The following GALNT13 variants were observed in gnomAD, a reference collection of about 807,000 sequenced individuals.
GALNT13 encodes the protein UDP-GalNAc:polypeptide N-acetylgalactosaminyltransferase 13.
In GALNT13, 28 loss-of-function variants were observed where a neutral mutation model predicts 64.2. The observed-to-expected ratio is 0.44, with a 90% confidence interval of 0.32 to 0.60. The LOEUF (loss-of-function observed/expected upper bound fraction) is 0.60, where lower values mean the gene tolerates loss of function less well. GALNT13 is among the 20% of genes least tolerant of loss of function. The pLI is 0.05. For missense variants in GALNT13, 577 were observed against 669.8 expected (o/e 0.86, Z 1.53); for synonymous variants, 214 against 224.6 (o/e 0.95, Z 0.42).
chr2:153,712,616 C>G, the GALNT13 span, among the ~76,000 whole-genome samples: 2 of 152,230 alleles, frequency 1.3e-5, no homozygotes, highest in Admixed American at 6.5e-5. Context: ...ACCTGTTTCT[C>G]TTGTACTTGC....
the GALNT13 span, among the ~76,000 whole-genome samples, chr2:153,830,147 T>C: frequency 6.6e-6 from 1 of 151,938 alleles, no homozygotes; most frequent in East Asian, 1.9e-4. Context: ...ATTTTGCTTT[T>C]TTAAATTTGC....
the GALNT13 span, among the ~76,000 whole-genome samples, chr2:153,091,637 G>C: frequency 6.6e-6 from 1 of 152,142 alleles, no homozygotes; most frequent in African/African-American, 2.4e-5. Flanking sequence ...TGTTAGCCTT[G>C]TCTCCCATCT....
rs185817147 is a variant in GALNT13 at position 154,146,896 on chromosome 2, G to A, written c.311+6391G>A. On this transcript the variant is annotated intron_variant, in intron 4 of 12. Coordinates refer to ENST00000392825, the MANE Select transcript of GALNT13 (RefSeq NM_052917.4). Reference sequence around the variant, plus strand: ...TTTTAAAACGTCATATAAACCCACTGAGTGTCACTACTTGTTTGGGTCTTC... The same window carrying A: ...TTTTAAAACGTCATATAAACCCACTAAGTGTCACTACTTGTTTGGGTCTTC... Among the ~76,000 whole-genome samples, 109 of 152,118 alleles carry A rather than the reference G, an allele frequency of 7.2e-4. 1 individual carries two copies. The East Asian group carries it at 0.021, about 29-fold the overall frequency.
At chr2:153,821,019 A>T in the GALNT13 span, among the ~76,000 whole-genome samples, 1 of 151,998 alleles carries the variant, frequency 6.6e-6, no homozygotes, top group Non-Finnish European at 1.5e-5. Flanking sequence ...TTGGAGAAAG[A>T]TATATCATGC....
chr2:153,198,193 G>T, the GALNT13 span, among the ~76,000 whole-genome samples: 5 of 152,256 alleles, frequency 3.3e-5, no homozygotes, highest in African/African-American at 9.6e-5. Context: ...AATTGGTGCC[G>T]TGCTGCAGTT....
At chr2:153,754,167 C>A in the GALNT13 span, among the ~76,000 whole-genome samples, 1 of 152,134 alleles carries the variant, frequency 6.6e-6, no homozygotes, top group Non-Finnish European at 1.5e-5. Flanking sequence ...GAATCAGAGA[C>A]CCCAAGAGCC....
chr2:154,406,382 T>C (rs2105385484), intron 10 of GALNT13, among the ~76,000 whole-genome samples: 1 of 152,256 alleles, frequency 6.6e-6, no homozygotes, highest in Middle Eastern at 3.4e-3. Context: ...TAAGCTACTA[T>C]TATACCATGC....
At chr2:153,195,709 C>T in the GALNT13 span, among the ~76,000 whole-genome samples, 22 of 152,214 alleles carry the variant, frequency 1.4e-4, no homozygotes, top group African/African-American at 5.3e-4. Flanking sequence ...CATGTCTCAG[C>T]CCTGTGTGTG....
In GALNT13 at chr2:154,231,651, A is replaced by C. The variant is rs1012404855; in HGVS notation, c.312-10379A>C. On this transcript the variant is annotated intron_variant, in intron 4 of 12. Transcript: ENST00000392825. ...TTTGAAGTTCTATTTCTACAGTTTTAGTAAAAACCACAAGGTGCAGTGGAA... is the reference window on the plus strand; with the variant it reads ...TTTGAAGTTCTATTTCTACAGTTTTCGTAAAAACCACAAGGTGCAGTGGAA... Among the ~76,000 whole-genome samples, 10 of 151,738 alleles carry C rather than the reference A, an allele frequency of 6.6e-5. No homozygotes were observed. The East Asian group carries it at 2.0e-3, about 30-fold the overall frequency.
chr2:153,407,324 G>T, the GALNT13 span, among the ~76,000 whole-genome samples: 1 of 152,166 alleles, frequency 6.6e-6, no homozygotes, highest in Non-Finnish European at 1.5e-5. Context: ...AGCACTTCAA[G>T]GGTAAGGCAT....
intron 10 of GALNT13, among the ~76,000 whole-genome samples, chr2:154,400,890 G>A (rs1699270943): frequency 6.6e-6 from 1 of 151,698 alleles, no homozygotes; most frequent in Admixed American, 6.6e-5. Context: ...TTCTAAAATA[G>A]AATGTCTCAG....
At chr2:153,469,161 T>C in the GALNT13 span, among the ~76,000 whole-genome samples, 4 of 152,126 alleles carry the variant, frequency 2.6e-5, no homozygotes, top group African/African-American at 9.7e-5. Flanking sequence ...AGTGCTCTTT[T>C]ATATGTGTAC....
intron 9 of GALNT13, among the ~76,000 whole-genome samples, chr2:154,325,962 A>G (rs563688865): frequency 6.6e-6 from 1 of 152,240 alleles, no homozygotes; most frequent in African/African-American, 2.4e-5. Flanking sequence ...GCTGTGTTTA[A>G]TAAGCCCACC....
chr2:154,078,557 A>G (rs904239159), intron 3 of GALNT13, among the ~76,000 whole-genome samples: 16 of 151,682 alleles, frequency 1.1e-4, no homozygotes, highest in African/African-American at 3.6e-4. Context: ...TTGACAGACC[A>G]TGGTTGCTGA....
the GALNT13 span, among the ~76,000 whole-genome samples, chr2:153,105,358 T>C: frequency 1.3e-5 from 2 of 152,226 alleles, no homozygotes; most frequent in South Asian, 4.1e-4. Context: ...AATTAGGTAT[T>C]GATGGGACGT....
At chr2:153,393,527 C>G in the GALNT13 span, among the ~76,000 whole-genome samples, 1 of 151,978 alleles carries the variant, frequency 6.6e-6, no homozygotes, top group African/African-American at 2.4e-5. Flanking sequence ...TGTATAAATA[C>G]TACCACACAT....
chr2:154,350,547 T>C (rs1696336384), intron 9 of GALNT13, among the ~76,000 whole-genome samples: 2 of 152,232 alleles, frequency 1.3e-5, no homozygotes, highest in Admixed American at 1.3e-4. Context: ...GGACTTGGAC[T>C]GGCTTAGTTG....
the GALNT13 span, among the ~76,000 whole-genome samples, chr2:153,095,175 C>A: frequency 5.9e-5 from 9 of 152,206 alleles, no homozygotes; most frequent in Non-Finnish European, 1.3e-4. Context: ...TTACAAAGAA[C>A]TCCAACAAAT....
intron 3 of GALNT13, among the ~76,000 whole-genome samples, chr2:154,097,280 A>T (rs1006728906): frequency 6.6e-6 from 1 of 152,052 alleles, no homozygotes; most frequent in Non-Finnish European, 1.5e-5. Flanking sequence ...GGGTAAGATG[A>T]ACACATAAAT....
Sources: gnomAD v4.1 joint callset for allele counts (sites outside exome capture counted in the v4.1 genomes callset) on GRCh38, gnomAD v4.1.1 for gene constraint, MANE v1.5 for transcripts, NCBI Gene and HGNC (gene_info 2026-07-23, HGNC 2026-07-21) for gene names.